VOPP1: variants seen among roughly 807,000 people sequenced by gnomAD.
The protein encoded by VOPP1 is WW domain binding protein VOPP1.
A neutral mutation model predicts 23.5 loss-of-function variants in VOPP1; 8 were observed. The observed-to-expected ratio is 0.34, with a 90% CI of 0.20 to 0.61. The LOEUF is 0.61. VOPP1 is among the 20% of genes least tolerant of loss of function. The pLI, the probability that VOPP1 is intolerant of heterozygous loss-of-function variation, is 0.78. For synonymous variants in VOPP1, 83 were observed against 97.3 expected (o/e 0.85, Z 0.86); for missense variants, 174 against 238.1 (o/e 0.73, Z 1.77).
At chr7:55,457,594 C>T (rs1418384014) in intron 4 of VOPP1, among the ~76,000 whole-genome samples, 1 of 151,004 alleles carries the variant, frequency 6.6e-6, no homozygotes, top group Non-Finnish European at 1.5e-5. Flanking sequence ...TGTAAGAGTT[C>T]CCTTTTCTCC....
intron 2 of VOPP1, among the ~76,000 whole-genome samples, chr7:55,506,275 A>G (rs1794716547): frequency 6.6e-6 from 1 of 152,182 alleles, no homozygotes; most frequent in Non-Finnish European, 1.5e-5. Flanking sequence ...TCCCTTTCAG[A>G]TGACATCACT....
downstream of VOPP1, among the ~76,000 whole-genome samples, chr7:55,469,955 G>A (rs928210069): frequency 6.6e-5 from 10 of 152,278 alleles, no homozygotes; most frequent in African/African-American, 2.2e-4. Flanking sequence ...GGAAGTGGGA[G>A]GATCGCTTGA....
intron 4 of VOPP1, among the ~76,000 whole-genome samples, chr7:55,452,649 A>G (rs1287196811): frequency 6.6e-6 from 1 of 152,250 alleles, no homozygotes; most frequent in Admixed American, 6.5e-5. Flanking sequence ...AGCAGGCATG[A>G]AAACAACAAT....
At chr7:55,539,040 A>AGGGGGGG (rs60010511) in intron 1 of VOPP1, among the ~76,000 whole-genome samples, 13 of 47,778 alleles carry the variant, frequency 2.7e-4, no homozygotes, top group Admixed American at 5.2e-4. Context: ...TTAAAAAAAA[A>AGGGGGGG]GGGGGGGGGG....
intron 2 of VOPP1, among the ~76,000 whole-genome samples, chr7:55,499,557 G>A (rs1794219817): frequency 6.6e-6 from 1 of 152,230 alleles, no homozygotes; most frequent in Admixed American, 6.5e-5. Flanking sequence ...AATAGTAAAC[G>A]AGAAAACATA....
chr7:55,530,771 T>C (rs1796453840), intron 1 of VOPP1: 1 of 152,222 alleles, frequency 6.6e-6, no homozygotes, highest in African/African-American at 2.4e-5. Context: ...CCGATCTCCA[T>C]GCCCCCAAAA....
chr7:55,540,679 C>T (rs1052783861), intron 1 of VOPP1, among the ~76,000 whole-genome samples: 1 of 152,182 alleles, frequency 6.6e-6, no homozygotes, highest in East Asian at 1.9e-4. Context: ...ACACCACGGG[C>T]GCTGCCCTCA....
chr7:55,493,707 C>T (rs1053742791), intron 3 of VOPP1, among the ~76,000 whole-genome samples: 2 of 152,182 alleles, frequency 1.3e-5, no homozygotes, highest in African/African-American at 4.8e-5. Flanking sequence ...CCCCCGACCC[C>T]GCCAACACTG....
chr7:55,492,396 G>A lies in VOPP1; in HGVS notation c.214C>T (p.Leu72Phe), dbSNP rs761512258. ...YFWFLLMMGV[L>F]FCCGAGFFIR... is the part of the protein sequence containing the mutation. The stretch of plus-strand genomic sequence containing the variant: ...AAGAAGCCGGCTCCGCAGCAGAAAA[G>A]CACGCCCATCATCAGAAGGAACCTG... The change falls in exon 4 of 5, where the codon CTT (leucine) becomes TTT (phenylalanine). Residue 72 changes from leucine (L) to phenylalanine (F), a missense_variant. Transcript: ENST00000285279. 1.4e-5 allele frequency: 23 copies of A among 1,611,164 alleles called. No individual in the cohort carries two copies. Among genetic ancestry groups the A allele is most frequent in the Middle Eastern group, 1.7e-4 (1 of 6,052 alleles).
intron 1 of VOPP1, chr7:55,552,634 A>G: frequency 2.0e-6 from 3 of 1,536,002 alleles, no homozygotes; most frequent in South Asian, 2.4e-5. Flanking sequence ...GTGTGGCTCC[A>G]AAGTTGCCCT....
chr7:55,565,082 AT>A (rs1478602297), intron 1 of VOPP1, among the ~76,000 whole-genome samples: 1 of 152,174 alleles, frequency 6.6e-6, no homozygotes, highest in Non-Finnish European at 1.5e-5. Context: ...ACTTCCTGAA[AT>A]TTTATATATA....
chr7:55,538,807 A>C lies in VOPP1; in HGVS notation c.55-17677T>G, dbSNP rs76319633. ...GCTGATGAGGAAACATCTCCAAGCA[A>C]CATTTCTTAAAAAAAAAAAAAAAAA... is the stretch of plus-strand genomic sequence containing the variant. On this transcript the variant is annotated intron_variant, in intron 1 of 4. Transcript: ENST00000285279. 641 of 550,416 alleles carry C rather than the reference A, an allele frequency of 1.2e-3. 4 individuals carry two copies. The highest frequency in any genetic ancestry group is 0.011 in the African/African-American group (557 of 52,360). The allele number at this position is 550,416 out of a possible 1,614,324, so 34.1% of individuals were successfully genotyped here.
chr7:55,436,295 G>C (rs1453664224), intron 4 of VOPP1: 1 of 152,248 alleles, frequency 6.6e-6, no homozygotes, highest in Admixed American at 6.5e-5. Flanking sequence ...CCTGTTCCCT[G>C]TGGGAACTTG....
At chr7:55,494,926 T>C (rs944852508) in intron 3 of VOPP1, among the ~76,000 whole-genome samples, 14 of 152,320 alleles carry the variant, frequency 9.2e-5, no homozygotes, top group African/African-American at 2.9e-4. Flanking sequence ...AGATGTCCTC[T>C]TTGGTTGCTC....
chr7:55,497,687 G>C lies in VOPP1; in HGVS notation c.117C>G (p.Cys39Trp), dbSNP rs1194621680. ...FEGLYPTYYICRSYEDCCGSR... is the reference protein window; with the variant it reads ...FEGLYPTYYIWRSYEDCCGSR... ...AGCCACAGCAGTCCTCGTAGGAGCG[G>C]CATCTGTGGAGAGAGGCACAGGCTG... Residue 39 changes from cysteine to tryptophan, a missense_variant, in exon 3 of 5, where the codon TGC becomes TGG. Coordinates refer to ENST00000285279, the MANE Select transcript of VOPP1 (RefSeq NM_030796.5). 6.2e-7 allele frequency: 1 copy of C among 1,613,940 alleles called. No homozygotes were observed. The highest frequency in any genetic ancestry group is 8.5e-7 in the Non-Finnish European group (1 of 1,179,862).
chr7:55,514,160 C>A (rs1193550168), intron 2 of VOPP1, among the ~76,000 whole-genome samples: 2 of 152,192 alleles, frequency 1.3e-5, no homozygotes, highest in Non-Finnish European at 2.9e-5. Flanking sequence ...GAGGTGGTTG[C>A]TTTGTACTTG....
intron 1 of VOPP1, among the ~76,000 whole-genome samples, chr7:55,562,579 G>GT (rs924620784): frequency 1.4e-4 from 22 of 152,270 alleles, no homozygotes; most frequent in African/African-American, 5.1e-4. Flanking sequence ...ACCAAAATCA[G>GT]TGTGAATTCA....
chr7:55,489,539 T>G (rs1187341782), intron 4 of VOPP1, among the ~76,000 whole-genome samples: 1 of 152,122 alleles, frequency 6.6e-6, no homozygotes, highest in African/African-American at 2.4e-5. Flanking sequence ...GTTGTTTGCG[T>G]GAAAGCTCAC....
At chr7:55,562,027 T>C (rs1798006499) in intron 1 of VOPP1, 3 of 703,510 alleles carry the variant, frequency 4.3e-6, no homozygotes, top group South Asian at 1.5e-5. Flanking sequence ...CTGATCCTCA[T>C]CTATGCATCA....
Sources: gnomAD v4.1 joint callset for allele counts (sites outside exome capture counted in the v4.1 genomes callset) on GRCh38, gnomAD v4.1.1 for gene constraint, MANE v1.5 for transcripts, NCBI Gene and HGNC (gene_info 2026-07-23, HGNC 2026-07-21) for gene names.